FBLIM1: variants seen among roughly 807,000 people sequenced by gnomAD.
FBLIM1 encodes filamin binding LIM protein 1.
In FBLIM1, 29 loss-of-function variants were observed where a neutral mutation model predicts 37.4. The ratio of observed to expected loss-of-function variants is 0.77; its 90% CI spans 0.58 to 1.06. The LOEUF is 1.06. FBLIM1 is among the 50% of genes least tolerant of loss of function. The pLI, the probability that FBLIM1 is intolerant of heterozygous loss-of-function variation, is 0.00. For synonymous variants in FBLIM1, 193 were observed against 199.0 expected (o/e 0.97, Z 0.25); for missense variants, 449 against 505.6 (o/e 0.89, Z 1.07).
At chr1:15,780,720 G>A (rs1270719110) in intron 8 of FBLIM1, among the ~76,000 whole-genome samples, 2 of 152,094 alleles carry the variant, frequency 1.3e-5, no homozygotes, top group South Asian at 2.1e-4. Flanking sequence ...TTACTCAGCC[G>A]ATGAGTATTT....
intron 4 of FBLIM1, 32 bp from the exon 5 acceptor site, chr1:15,768,496 C>T (rs2069035839): frequency 1.4e-6 from 2 of 1,445,832 alleles, no homozygotes; most frequent in Non-Finnish European, 1.9e-6. Context: ...CATGGGGTCC[C>T]ACTGGATGAC....
At chr1:15,761,918 G>T (rs755664255) in intron 1 of FBLIM1, among the ~76,000 whole-genome samples, 20 of 152,144 alleles carry the variant, frequency 1.3e-4, no homozygotes, top group Non-Finnish European at 2.2e-4. Context: ...GGCATTGGGT[G>T]CCTGCTGAGG....
chr1:15,774,821 G>T, intron 7 of FBLIM1, 25 bp downstream of exon 7: 1 of 1,614,042 alleles, frequency 6.2e-7, no homozygotes. Flanking sequence ...TGTGCACTGG[G>T]TGGGGTGCAG....
At chr1:15,783,964 G>A (rs781682140) in intron 8 of FBLIM1, among the ~76,000 whole-genome samples, 1 of 152,138 alleles carries the variant, frequency 6.6e-6, no homozygotes, top group East Asian at 1.9e-4. Flanking sequence ...CAAGGTGGGC[G>A]GATCACTTGA....
intron 8 of FBLIM1, among the ~76,000 whole-genome samples, chr1:15,777,527 C>G (rs555587706): frequency 6.6e-6 from 1 of 151,210 alleles, no homozygotes; most frequent in South Asian, 2.1e-4. Flanking sequence ...GCTCATGGTG[C>G]TGGGATCACT....
chr1:15,782,727 A>T (rs143981557), intron 8 of FBLIM1, among the ~76,000 whole-genome samples: 2 of 151,906 alleles, frequency 1.3e-5, no homozygotes, highest in Admixed American at 1.3e-4. Flanking sequence ...CCAGCTGGCC[A>T]TGGAGGAAGG....
intron 8 of FBLIM1, 94 bp downstream of exon 8, chr1:15,777,381 G>A (rs1017221351): frequency 3.9e-6 from 3 of 766,276 alleles, no homozygotes; most frequent in African/African-American, 3.5e-5. Flanking sequence ...CAGGGTGGGG[G>A]CTGTACTCTC....
At chr1:15,760,712 C>A (rs1321036864) in intron 1 of FBLIM1, among the ~76,000 whole-genome samples, 1 of 152,024 alleles carries the variant, frequency 6.6e-6, no homozygotes, top group African/African-American at 2.4e-5. Context: ...CTGGCTGGAT[C>A]CCTGCCTCCT....
Position 15,764,603 on chromosome 1 carries a change from A to G in FBLIM1, c.-103A>G. On this transcript the variant is annotated 5_prime_UTR_variant, in exon 2 of 9. Coordinates refer to ENST00000375766, the MANE Select transcript of FBLIM1 (RefSeq NM_017556.4). ...CAGGCAGGCGGGACTCCAGACTGGGAACGGAAGTCAGCCCTGCTGGGGCTG... is the reference window on the plus strand; with the variant it reads ...CAGGCAGGCGGGACTCCAGACTGGGGACGGAAGTCAGCCCTGCTGGGGCTG... 5.0e-6 allele frequency: 1 copy of G among 201,872 alleles called. No homozygotes were observed. Among genetic ancestry groups the G allele is most frequent in the Non-Finnish European group, 9.9e-6 (1 of 101,222 alleles). The allele number at this position is 201,872 out of a possible 1,614,324, so 12.5% of individuals were successfully genotyped here.
At chr1:15,783,889 A>G (rs2069709668) in intron 8 of FBLIM1, among the ~76,000 whole-genome samples, 3 of 152,196 alleles carry the variant, frequency 2.0e-5, no homozygotes, top group East Asian at 1.9e-4. Flanking sequence ...CCCAGAATTT[A>G]TGTTCTAAAG....
intron 7 of FBLIM1, among the ~76,000 whole-genome samples, chr1:15,776,185 A>G (rs1030385699): frequency 1.3e-5 from 2 of 152,102 alleles, no homozygotes; most frequent in African/African-American, 2.4e-5. Context: ...TGGGAGGCCA[A>G]GGCAGAGGTT....
At chr1:15,778,814 G>C (rs1230531119) in intron 8 of FBLIM1, among the ~76,000 whole-genome samples, 1 of 151,670 alleles carries the variant, frequency 6.6e-6, no homozygotes, top group Admixed American at 6.6e-5. Context: ...CTAATGTTTT[G>C]TATTTTTAGT....
rs1014932758 is a variant in FBLIM1 at position 15,781,532 on chromosome 1, AAAAAAAAT to A, written c.1009-3013_1009-3006del. On this transcript the variant is annotated intron_variant, in intron 8 of 8. Transcript: ENST00000375766. ...CAAGACTCTGTCTCAAAAAAAAAAA[AAAAAAAAT>A]AATGAGGCTCTTGAACTGCAGCAGC... 5.5e-4 allele frequency among the ~76,000 whole-genome samples: 50 copies of A among 91,208 alleles called. 1 individual carries two copies. The highest frequency in any genetic ancestry group is 9.1e-4 in the Non-Finnish European group (40 of 44,032). 59.8% of individuals were successfully genotyped at this position (91,208 alleles called of 152,430 possible).
intron 8 of FBLIM1, among the ~76,000 whole-genome samples, 171 bp from the exon 9 acceptor site, chr1:15,784,377 G>C (rs2069723414): frequency 6.6e-6 from 1 of 152,098 alleles, no homozygotes; most frequent in Non-Finnish European, 1.5e-5. Flanking sequence ...TTCCCTTATG[G>C]AGACCTGGCC....
chr1:15,760,623 AAGG>A (rs1365448340), intron 1 of FBLIM1, among the ~76,000 whole-genome samples: 1 of 149,864 alleles, frequency 6.7e-6, no homozygotes, highest in African/African-American at 2.5e-5. Context: ...AAGGAGTAGG[AAGG>A]AGGACTGTGG....
intron 8 of FBLIM1, among the ~76,000 whole-genome samples, chr1:15,777,958 G>C (rs563928039): frequency 6.6e-6 from 1 of 152,272 alleles, no homozygotes; most frequent in East Asian, 1.9e-4. Flanking sequence ...GGGAGGTGGG[G>C]CACAGTGCAT....
rs2069756962 is a variant in FBLIM1 at position 15,785,872 on chromosome 1, C to A, written c.*1211C>A. The A allele has an allele frequency of 6.6e-6, 1 of 152,286 alleles. No homozygotes were observed. Among genetic ancestry groups the A allele is most frequent in the South Asian group, 2.1e-4 (1 of 4,838 alleles). 9.4% of individuals were successfully genotyped at this position (152,286 alleles called of 1,614,324 possible). Reference sequence around the variant, plus strand: ...GCAGACACCCCGGGATGTCAGCATCCCCCGACCTGCCTTCTGGCGGCACCT... The same window carrying A: ...GCAGACACCCCGGGATGTCAGCATCACCCGACCTGCCTTCTGGCGGCACCT... On this transcript the variant is annotated 3_prime_UTR_variant, in exon 9 of 9. Transcript: ENST00000375766.
At chr1:15,775,626 C>T (rs541465253) in intron 7 of FBLIM1, among the ~76,000 whole-genome samples, 2 of 152,168 alleles carry the variant, frequency 1.3e-5, no homozygotes, top group Non-Finnish European at 2.9e-5. Context: ...GGGCAAGGAG[C>T]TTACATGCCC....
At chr1:15,756,992 C>A (rs763516822), upstream of FBLIM1, among the ~76,000 whole-genome samples, 1 of 152,194 alleles carries the variant, frequency 6.6e-6, no homozygotes, top group African/African-American at 2.4e-5. Flanking sequence ...CCAAAAGCGC[C>A]TGAAAACCCC....
Sources: gnomAD v4.1 joint callset for allele counts (sites outside exome capture counted in the v4.1 genomes callset) on GRCh38, gnomAD v4.1.1 for gene constraint, MANE v1.5 for transcripts, NCBI Gene and HGNC (gene_info 2026-07-23, HGNC 2026-07-21) for gene names.